Variants in PTPRD observed in about 807,000 individuals in gnomAD.
PTPRD encodes receptor-type tyrosine-protein phosphatase delta.
PTPRD carries 34 observed loss-of-function variants against 214.5 expected under a neutral mutation model. The ratio of observed to expected loss-of-function variants is 0.16; its 90% CI spans 0.12 to 0.21. The LOEUF (loss-of-function observed/expected upper bound fraction) is 0.21, where lower values mean the gene tolerates loss of function less well. Among genes scored for constraint, PTPRD ranks in the 10% least tolerant of loss-of-function variants. The pLI is 1.00. For missense variants in PTPRD, 2,545 were observed against 2,398.7 expected, an observed-to-expected ratio of 1.06 and a Z score of -1.27; for synonymous variants, 1,128 against 845.7, an observed-to-expected ratio of 1.33 and a Z score of -5.79.
chr9:9,686,086 G>A (rs1233825670), intron 7 of PTPRD, among the ~76,000 whole-genome samples: 2 of 151,356 alleles, frequency 1.3e-5, no homozygotes, highest in Non-Finnish European at 3.0e-5. Context: ...TATATTTTGG[G>A]AAGTTTATTT....
intron 2 of PTPRD, among the ~76,000 whole-genome samples, chr9:10,490,607 T>C (rs1312678832): frequency 6.6e-6 from 1 of 152,194 alleles, no homozygotes; most frequent in African/African-American, 2.4e-5. Context: ...ATTTAAATGA[T>C]TTTGCAATCT....
At chr9:9,998,199 T>C (rs1588513376) in intron 4 of PTPRD, among the ~76,000 whole-genome samples, 1 of 148,586 alleles carries the variant, frequency 6.7e-6, no homozygotes, top group South Asian at 2.1e-4. Flanking sequence ...ACCTCGACCC[T>C]GTCCAGCCTG....
intron 10 of PTPRD, among the ~76,000 whole-genome samples, chr9:9,165,832 G>A (rs1435358846): frequency 6.6e-6 from 1 of 152,148 alleles, no homozygotes; most frequent in Non-Finnish European, 1.5e-5. Context: ...AAAAGATACT[G>A]ATGTAGATAT....
intron 3 of PTPRD, among the ~76,000 whole-genome samples, chr9:10,066,087 T>A (rs1398010907): frequency 1.3e-5 from 2 of 151,960 alleles, no homozygotes; most frequent in Non-Finnish European, 2.9e-5. Context: ...TTGTCCCTAG[T>A]AAAGTGAATG....
intron 5 of PTPRD, among the ~76,000 whole-genome samples, chr9:9,768,886 C>T (rs1248379884): frequency 1.3e-5 from 2 of 152,156 alleles, no homozygotes; most frequent in African/African-American, 2.4e-5. Flanking sequence ...AACAGACAAA[C>T]TTCAGTTTGT....
At chr9:10,058,837 T>G (rs1477907945) in intron 3 of PTPRD, among the ~76,000 whole-genome samples, 1 of 152,110 alleles carries the variant, frequency 6.6e-6, no homozygotes, top group Non-Finnish European at 1.5e-5. Context: ...CACCACATTT[T>G]AGTTGTAAAT....
chr9:9,227,651 G>T (rs2099960385), intron 9 of PTPRD, among the ~76,000 whole-genome samples: 1 of 152,094 alleles, frequency 6.6e-6, no homozygotes. Context: ...CAACTTCTTT[G>T]TAGTTCTTTC....
intron 3 of PTPRD, among the ~76,000 whole-genome samples, chr9:10,111,002 T>G (rs994346873): frequency 6.6e-6 from 1 of 152,182 alleles, no homozygotes; most frequent in Non-Finnish European, 1.5e-5. Flanking sequence ...CTTTCTGGAT[T>G]CAACACATGA....
intron 12 of PTPRD, among the ~76,000 whole-genome samples, chr9:8,702,820 G>C (rs916336748): frequency 7.9e-5 from 12 of 152,112 alleles, no homozygotes; most frequent in Non-Finnish European, 8.8e-5. Flanking sequence ...TGTTGGCCAG[G>C]CCAGTCTCAA....
At chr9:8,375,627 C>T (rs972300836) in intron 39 of PTPRD, among the ~76,000 whole-genome samples, 2 of 152,076 alleles carry the variant, frequency 1.3e-5, no homozygotes, top group African/African-American at 4.8e-5. Flanking sequence ...TAAGAATATT[C>T]CCCCACATAT....
chr9:8,671,540 AAAG>A (rs1464754215), intron 12 of PTPRD, among the ~76,000 whole-genome samples: 1 of 152,164 alleles, frequency 6.6e-6, no homozygotes, highest in African/African-American at 2.4e-5. Flanking sequence ...TCTAAACTGT[AAAG>A]CAGTTTAGAA....
At chr9:9,742,347 T>C (rs550492282) in intron 6 of PTPRD, among the ~76,000 whole-genome samples, 11 of 152,016 alleles carry the variant, frequency 7.2e-5, no homozygotes, top group Admixed American at 6.5e-4. Flanking sequence ...TCCAAGAGCA[T>C]GTAAAAAGAA....
At chr9:8,526,250 CA>C (rs564241986) in intron 17 of PTPRD, among the ~76,000 whole-genome samples, 9 of 44,848 alleles carry the variant, frequency 2.0e-4, no homozygotes, top group South Asian at 6.9e-4. Context: ...TCCGGTTGGA[CA>C]AAAAAAAAGG....
intron 11 of PTPRD, among the ~76,000 whole-genome samples, chr9:8,855,660 T>C (rs928456773): frequency 2.0e-5 from 3 of 152,140 alleles, no homozygotes; most frequent in Admixed American, 6.6e-5. Context: ...CAGATAAAAA[T>C]TGAATGCCAC....
chr9:9,365,188 T>C (rs1376188733), intron 9 of PTPRD, among the ~76,000 whole-genome samples: 1 of 151,500 alleles, frequency 6.6e-6, no homozygotes, highest in Admixed American at 6.6e-5. Context: ...TTTTTAAAAT[T>C]GTTCTATGTT....
intron 10 of PTPRD, among the ~76,000 whole-genome samples, chr9:9,158,131 A>G (rs1034380186): frequency 6.6e-6 from 1 of 152,154 alleles, no homozygotes; most frequent in Non-Finnish European, 1.5e-5. Context: ...ATGGGCATAT[A>G]GGTTGATTCC....
intron 10 of PTPRD, among the ~76,000 whole-genome samples, chr9:9,165,316 C>T (rs1247527475): frequency 6.6e-6 from 1 of 152,096 alleles, no homozygotes; most frequent in East Asian, 1.9e-4. Context: ...GTCAGGACTT[C>T]TTAATTTTGA....
At chr9:10,588,957 G>C (rs2074678334) in intron 2 of PTPRD, among the ~76,000 whole-genome samples, 1 of 151,910 alleles carries the variant, frequency 6.6e-6, no homozygotes, top group Non-Finnish European at 1.5e-5. Context: ...CTCATCTGGG[G>C]AAGATAACTT....
intron 4 of PTPRD, among the ~76,000 whole-genome samples, chr9:9,964,357 T>C (rs2094549841): frequency 6.6e-6 from 1 of 152,178 alleles, no homozygotes; most frequent in African/African-American, 2.4e-5. Context: ...GTGCAGGTCA[T>C]GGTGTAAATA....
Sources: allele counts gnomAD v4.1 joint callset (sites outside exome capture counted in the v4.1 genomes callset), GRCh38; gene constraint gnomAD v4.1.1; transcripts MANE v1.5; gene names NCBI Gene and HGNC (gene_info 2026-07-23, HGNC 2026-07-21).